Variants in ST8SIA5 observed in about 807,000 individuals in gnomAD.
ST8SIA5 encodes alpha-2,8-sialyltransferase 8E.
Under a neutral mutation model 40.2 loss-of-function variants are expected in ST8SIA5, and 24 were observed. That is an observed-to-expected ratio of 0.60 (90% CI 0.43 to 0.84). ST8SIA5 has a LOEUF of 0.84. Ranked by LOEUF, ST8SIA5 falls within the 40% of genes least tolerant of loss-of-function variation. The pLI is 0.00. For missense variants in ST8SIA5, 465 were observed against 498.5 expected, an observed-to-expected ratio of 0.93 and a Z score of 0.64; for synonymous variants, 198 against 201.8, an observed-to-expected ratio of 0.98 and a Z score of 0.16.
At chr18:46,691,288 T>C (rs1199832801) in intron 3 of ST8SIA5, among the ~76,000 whole-genome samples, 1 of 152,236 alleles carries the variant, frequency 6.6e-6, no homozygotes, top group East Asian at 1.9e-4. Context: ...CTCTTAAAAC[T>C]ACTACTCTAC....
Position 46,669,892 on chromosome 18 carries a change from G to GC in ST8SIA5, c.*10149dup, listed in dbSNP as rs1211030340. 6.6e-6 allele frequency: 1 copy of GC among 152,036 alleles called. No homozygotes were observed. The highest frequency in any genetic ancestry group is 1.9e-4 in the East Asian group (1 of 5,160). 9.4% of individuals were successfully genotyped at this position (152,036 alleles called of 1,614,324 possible). A position where few individuals can be genotyped will look rare whatever the true frequency, so the allele number is the denominator to read the frequency against. ...CACAACCAGCCTGGCCAAAATGGTG[G>GC]CCCCGTCTCTACTAAAAATACCAAA... On this transcript the variant is annotated 3_prime_UTR_variant, in exon 7 of 7. Transcript: ENST00000315087.
In ST8SIA5 at chr18:46,674,014, C is replaced by T. The variant is rs1433302624; in HGVS notation, c.*6028G>A. 6.6e-6 allele frequency: 1 copy of T among 152,220 alleles called. No individual in the cohort carries two copies. Among genetic ancestry groups the T allele is most frequent in the Non-Finnish European group, 1.5e-5 (1 of 68,108 alleles). The allele number at this position is 152,220 out of a possible 1,614,324, so 9.4% of individuals were successfully genotyped here. A position where few individuals can be genotyped will look rare whatever the true frequency, so the allele number is the denominator to read the frequency against. On this transcript the variant is annotated 3_prime_UTR_variant, in exon 7 of 7. Coordinates refer to ENST00000315087, the MANE Select transcript of ST8SIA5 (RefSeq NM_013305.6). ...TCCCCCAGGAAACAACCCCATGCTC[C>T]TGGTCTTCCCCTTCGCATCTGGAGC...
In ST8SIA5 at chr18:46,688,760, C is replaced by T. The variant is rs758576233; in HGVS notation, c.456+15G>A. On this transcript the variant is annotated intron_variant, in intron 4 of 6. Transcript: ENST00000315087. ...TCCCTCGCCCCACCCAGACCGCCCCCGCCCAAAGCAGCACCTTGGGAAACA... is the reference window on the plus strand; with the variant it reads ...TCCCTCGCCCCACCCAGACCGCCCCTGCCCAAAGCAGCACCTTGGGAAACA... 11 of 1,605,382 alleles carry T rather than the reference C, an allele frequency of 6.9e-6. No individual in the cohort carries two copies. The highest frequency in any genetic ancestry group is 1.7e-5 in the Admixed American group (1 of 59,174).
At chr18:46,756,301 A>C in intron 1 of ST8SIA5, 77 bp downstream of exon 1, 8 of 1,581,330 alleles carry the variant, frequency 5.1e-6, no homozygotes, top group Non-Finnish European at 6.9e-6. Context: ...GCTGCGACCG[A>C]AGCTGCCGCG....
chr18:46,697,338 T>C (rs941635150), intron 2 of ST8SIA5, among the ~76,000 whole-genome samples: 1 of 151,684 alleles, frequency 6.6e-6, no homozygotes, highest in African/African-American at 2.4e-5. Context: ...AAGACAACTA[T>C]TGGAGGAACA....
chr18:46,706,382 A>C (rs1484446105), intron 1 of ST8SIA5, among the ~76,000 whole-genome samples: 2 of 152,208 alleles, frequency 1.3e-5, no homozygotes, highest in Non-Finnish European at 2.9e-5. Flanking sequence ...ACCCGGCTCG[A>C]GTAACCACAC....
intron 1 of ST8SIA5, among the ~76,000 whole-genome samples, chr18:46,716,971 G>A (rs2039798401): frequency 6.6e-6 from 1 of 152,240 alleles, no homozygotes; most frequent in Admixed American, 6.5e-5. Context: ...TTGTGCTGTG[G>A]CCATGGGCCA....
At chr18:46,702,530 G>A (rs996250369) in intron 2 of ST8SIA5, among the ~76,000 whole-genome samples, 2 of 152,108 alleles carry the variant, frequency 1.3e-5, no homozygotes, top group African/African-American at 4.8e-5. Flanking sequence ...GCCGGCATTC[G>A]AGCTGCCCCA....
At chr18:46,748,690 T>C (rs150161995) in intron 1 of ST8SIA5, among the ~76,000 whole-genome samples, 3 of 150,800 alleles carry the variant, frequency 2.0e-5, no homozygotes, top group African/African-American at 4.9e-5. Context: ...AAAACCACAG[T>C]GAGATGTCAC....
At chr18:46,689,069 G>T in intron 3 of ST8SIA5, 150 bp from the exon 4 acceptor site, 1 of 876,752 alleles carries the variant, frequency 1.1e-6, no homozygotes, top group Non-Finnish European at 1.7e-6. Flanking sequence ...TGGAGCCGAG[G>T]CCTCTCCTGC....
intron 1 of ST8SIA5, among the ~76,000 whole-genome samples, chr18:46,750,210 A>G (rs2040183250): frequency 6.6e-6 from 1 of 152,210 alleles, no homozygotes; most frequent in Non-Finnish European, 1.5e-5. Flanking sequence ...CCTGAGATTA[A>G]GTTTAAAAGA....
chr18:46,692,361 T>A, intron 2 of ST8SIA5, 106 bp from the exon 3 acceptor site: 1 of 971,546 alleles, frequency 1.0e-6, no homozygotes, highest in Non-Finnish European at 1.6e-6. Flanking sequence ...AGTCCAGTCC[T>A]GGGGCTGGCC....
chr18:46,754,704 G>A (rs566793675), intron 1 of ST8SIA5, among the ~76,000 whole-genome samples: 1 of 152,372 alleles, frequency 6.6e-6, no homozygotes, highest in East Asian at 1.9e-4. Context: ...AGACCAGGGA[G>A]GACTTGCCAG....
intron 1 of ST8SIA5, among the ~76,000 whole-genome samples, chr18:46,724,688 A>G (rs764743349): frequency 1.4e-4 from 21 of 152,128 alleles, no homozygotes; most frequent in Non-Finnish European, 2.6e-4. Context: ...AAATCTCATG[A>G]TCGGGCCAAG....
At chr18:46,743,862 T>A (rs2040111609) in intron 1 of ST8SIA5, among the ~76,000 whole-genome samples, 1 of 152,130 alleles carries the variant, frequency 6.6e-6, no homozygotes, top group Non-Finnish European at 1.5e-5. Flanking sequence ...TAACAGCGGA[T>A]CTCTCAGCAG....
intron 1 of ST8SIA5, among the ~76,000 whole-genome samples, chr18:46,740,497 A>G (rs1955253764): frequency 6.6e-6 from 1 of 152,178 alleles, no homozygotes; most frequent in African/African-American, 2.4e-5. Flanking sequence ...TGCTAGTTAC[A>G]ACAGACATAG....
At position 46,692,221 on chromosome 18, in the gene ST8SIA5, T is replaced by A; in HGVS notation, c.259A>T (p.Ser87Cys). 3.7e-6 allele frequency: 6 copies of A among 1,614,038 alleles called. No homozygotes were observed. In the East Asian group the frequency reaches 1.3e-4, roughly 36 times the overall value. Residue 87 changes from serine (S) to cysteine (C), a missense_variant, in exon 3 of 7, where the codon AGC becomes TGC. Coordinates refer to ENST00000315087, the MANE Select transcript of ST8SIA5 (RefSeq NM_013305.6). ...ATCGCCCATTTGCACATCTGGAGGC[T>A]CTTCCACCTGTCGAACAGCTCTGAC... ...KQSELFDRWK[S>C]LQMCKWAMNI...
intron 1 of ST8SIA5, among the ~76,000 whole-genome samples, chr18:46,738,866 A>C (rs1239009763): frequency 6.6e-6 from 1 of 151,830 alleles, no homozygotes; most frequent in Non-Finnish European, 1.5e-5. Flanking sequence ...CTTTTCCTTG[A>C]CCCAGTTTCG....
At chr18:46,704,488 C>T in intron 2 of ST8SIA5, 84 bp downstream of exon 2, 1 of 1,229,396 alleles carries the variant, frequency 8.1e-7, no homozygotes, top group Non-Finnish European at 1.2e-6. Context: ...CTGTTTCCTT[C>T]CACCCTTGCC....
Sources: gnomAD v4.1 joint callset for allele counts (sites outside exome capture counted in the v4.1 genomes callset) on GRCh38, gnomAD v4.1.1 for gene constraint, MANE v1.5 for transcripts, NCBI Gene and HGNC (gene_info 2026-07-23, HGNC 2026-07-21) for gene names.